Variants in GPC5 observed in about 807,000 individuals in gnomAD.
GPC5 encodes glypican-5.
Under a neutral mutation model 53.9 loss-of-function variants are expected in GPC5, and 47 were observed. The ratio of observed to expected loss-of-function variants is 0.87; its 90% CI spans 0.69 to 1.11. The LOEUF is 1.11. GPC5 is among the 50% of genes most tolerant of loss of function. The pLI is 0.00. For missense variants in GPC5, 748 were observed against 713.1 expected, an observed-to-expected ratio of 1.05 and a Z score of -0.56; for synonymous variants, 286 against 263.3, an observed-to-expected ratio of 1.09 and a Z score of -0.84.
At chr13:91,409,327 C>T (rs1877557065) in intron 1 of GPC5, among the ~76,000 whole-genome samples, 1 of 152,058 alleles carries the variant, frequency 6.6e-6, no homozygotes, top group African/African-American at 2.4e-5. Context: ...ATAAGAAAAA[C>T]ATGGCAAAAC....
chr13:91,731,055 A>G (rs1253961165), intron 4 of GPC5, among the ~76,000 whole-genome samples: 1 of 152,228 alleles, frequency 6.6e-6, no homozygotes, highest in Non-Finnish European at 1.5e-5. Flanking sequence ...GCTCCTGTCT[A>G]CCATGGACTG....
At chr13:91,751,281 C>T (rs892075251) in intron 4 of GPC5, among the ~76,000 whole-genome samples, 1 of 152,220 alleles carries the variant, frequency 6.6e-6, no homozygotes, top group Admixed American at 6.5e-5. Context: ...AGTAGCCTTT[C>T]CTTCTCTCTT....
At chr13:92,090,664 T>C (rs1450127192) in intron 6 of GPC5, among the ~76,000 whole-genome samples, 1 of 152,366 alleles carries the variant, frequency 6.6e-6, no homozygotes, top group East Asian at 1.9e-4. Context: ...AATATTGTAA[T>C]ACAGAGATGA....
At chr13:92,118,365 T>C (rs1410397363) in intron 6 of GPC5, among the ~76,000 whole-genome samples, 1 of 152,164 alleles carries the variant, frequency 6.6e-6, no homozygotes, top group Non-Finnish European at 1.5e-5. Flanking sequence ...TTTTTATATA[T>C]GTTCTTAAAG....
intron 7 of GPC5, among the ~76,000 whole-genome samples, chr13:92,646,917 AAT>A (rs1486412427): frequency 8.3e-6 from 1 of 121,032 alleles, no homozygotes; most frequent in African/African-American, 2.8e-5. Context: ...TATATATGTA[AAT>A]ATATATAAAC....
chr13:91,402,597 A>G (rs1401069141), intron 1 of GPC5, among the ~76,000 whole-genome samples: 2 of 152,240 alleles, frequency 1.3e-5, no homozygotes, highest in African/African-American at 4.8e-5. Flanking sequence ...CTCATTTAGA[A>G]ATAGGAATAT....
intron 6 of GPC5, among the ~76,000 whole-genome samples, chr13:92,064,964 A>C (rs1242935038): frequency 2.0e-5 from 3 of 152,038 alleles, no homozygotes; most frequent in Non-Finnish European, 4.4e-5. Context: ...ATTCCTATGA[A>C]TACAACAATC....
intron 7 of GPC5, among the ~76,000 whole-genome samples, chr13:92,153,006 T>A (rs1488167400): frequency 6.6e-6 from 1 of 152,218 alleles, no homozygotes; most frequent in African/African-American, 2.4e-5. Flanking sequence ...ACTTGTTTTT[T>A]CTGGTTTTTG....
chr13:92,391,298 A>C (rs1220242840), intron 7 of GPC5, among the ~76,000 whole-genome samples: 1 of 152,160 alleles, frequency 6.6e-6, no homozygotes, highest in Non-Finnish European at 1.5e-5. Flanking sequence ...CAATTCTATT[A>C]GTTTTGAATT....
intron 4 of GPC5, among the ~76,000 whole-genome samples, chr13:91,745,028 T>C (rs2037017654): frequency 6.6e-6 from 1 of 152,132 alleles, no homozygotes; most frequent in Non-Finnish European, 1.5e-5. Flanking sequence ...TTCCCTAGTA[T>C]TATCTGACTG....
intron 2 of GPC5, among the ~76,000 whole-genome samples, chr13:91,515,256 A>T (rs1303644047): frequency 6.6e-6 from 1 of 151,480 alleles, no homozygotes; most frequent in Non-Finnish European, 1.5e-5. Flanking sequence ...ACTTTTATGC[A>T]AACTTGTTCA....
At chr13:92,408,738 G>GT (rs1289379126) in intron 7 of GPC5, among the ~76,000 whole-genome samples, 2 of 151,846 alleles carry the variant, frequency 1.3e-5, no homozygotes, top group African/African-American at 2.4e-5. Context: ...AACAGCCAAA[G>GT]TTTTTTTATG....
chr13:92,577,349 A>G (rs1883218403), intron 7 of GPC5, among the ~76,000 whole-genome samples: 1 of 152,076 alleles, frequency 6.6e-6, no homozygotes, highest in South Asian at 2.1e-4. Flanking sequence ...TTGGAGCAAT[A>G]ATATGTTCCA....
intron 7 of GPC5, among the ~76,000 whole-genome samples, chr13:92,400,169 G>GTT (rs1875492396): frequency 6.6e-6 from 1 of 152,106 alleles, no homozygotes; most frequent in South Asian, 2.1e-4. Flanking sequence ...TGAGATTCTG[G>GTT]ACCCTAAATG....
In GPC5 at chr13:92,282,081, C is replaced by T. The variant is rs372776610; in HGVS notation, c.1561+137092C>T. Among the ~76,000 whole-genome samples the T allele has an allele frequency of 3.1e-3, 467 of 152,206 alleles. 1 individual carries two copies. Among genetic ancestry groups the T allele is most frequent in the African/African-American group, 0.011 (446 of 41,526 alleles). Reference sequence around the variant, plus strand: ...CCTGATGGAGCTGAAAACCATGGCACGAGAACTATGTGACGAATGCACAAG... The same window carrying T: ...CCTGATGGAGCTGAAAACCATGGCATGAGAACTATGTGACGAATGCACAAG... On this transcript the variant is annotated intron_variant, in intron 7 of 7. Coordinates refer to ENST00000377067, the MANE Select transcript of GPC5 (RefSeq NM_004466.6).
intron 7 of GPC5, among the ~76,000 whole-genome samples, chr13:92,390,203 A>G (rs1874930715): frequency 6.6e-6 from 1 of 152,192 alleles, no homozygotes; most frequent in Non-Finnish European, 1.5e-5. Context: ...ATTATTTTAT[A>G]TCAGACCTTA....
At chr13:92,396,754 G>A (rs1875297553) in intron 7 of GPC5, among the ~76,000 whole-genome samples, 2 of 152,162 alleles carry the variant, frequency 1.3e-5, no homozygotes, top group Admixed American at 6.5e-5. Context: ...GGGAAGCTAA[G>A]CATTCTATAA....
intron 7 of GPC5, among the ~76,000 whole-genome samples, chr13:92,205,744 C>T (rs943616966): frequency 2.0e-5 from 3 of 152,232 alleles, no homozygotes; most frequent in Non-Finnish European, 2.9e-5. Flanking sequence ...AACAGTGATA[C>T]GTTTATAAAA....
intron 6 of GPC5, among the ~76,000 whole-genome samples, chr13:92,002,347 A>G (rs1331720200): frequency 6.6e-6 from 1 of 152,222 alleles, no homozygotes; most frequent in Non-Finnish European, 1.5e-5. Context: ...TAGACTCCCA[A>G]GCAGAAATTT....
Sources: allele counts gnomAD v4.1 joint callset (sites outside exome capture counted in the v4.1 genomes callset), GRCh38; gene constraint gnomAD v4.1.1; transcripts MANE v1.5; gene names NCBI Gene and HGNC (gene_info 2026-07-23, HGNC 2026-07-21).